Variants in ZFC3H1 observed in about 807,000 individuals in gnomAD.
ZFC3H1 encodes the protein zinc finger C3H1 domain-containing protein.
In ZFC3H1, 71 loss-of-function variants were observed where a neutral mutation model predicts 243.7. That is an observed-to-expected ratio of 0.29 (90% confidence interval 0.24 to 0.36). The LOEUF (loss-of-function observed/expected upper bound fraction) is 0.36. ZFC3H1 is among the 10% of genes least tolerant of loss of function. ZFC3H1 has a pLI of 1.00. For missense variants in ZFC3H1, 1,966 were observed against 2,317.1 expected (o/e 0.85, Z 3.11); for synonymous variants, 838 against 813.0 (o/e 1.03, Z -0.52).
chr12:71,623,652 T>A, intron 23 of ZFC3H1, 55 bp from the exon 24 acceptor site: 2 of 1,274,254 alleles, frequency 1.6e-6, no homozygotes, highest in Non-Finnish European at 1.1e-6. Flanking sequence ...AGTACCAGAT[T>A]AACATAATTT....
chr12:71,656,026 A>G (rs1042162890), intron 2 of ZFC3H1, among the ~76,000 whole-genome samples: 2 of 152,206 alleles, frequency 1.3e-5, no homozygotes, highest in Non-Finnish European at 2.9e-5. Context: ...AAGAAGCTAT[A>G]ATGAAAGGCA....
chr12:71,612,028 T>C (rs1440104334), intron 31 of ZFC3H1, 141 bp from the exon 32 acceptor site: 5 of 514,518 alleles, frequency 9.7e-6, no homozygotes, highest in Non-Finnish European at 1.4e-5. Context: ...TTAGAATGCC[T>C]CTTACAAAAA....
At chr12:71,627,170 T>G (rs147047832) in intron 21 of ZFC3H1, among the ~76,000 whole-genome samples, 1 of 152,236 alleles carries the variant, frequency 6.6e-6, no homozygotes, top group African/African-American at 2.4e-5. Flanking sequence ...AAAGTTATAA[T>G]TATGAAAAGA....
At chr12:71,638,352 C>A (rs982763474) in intron 7 of ZFC3H1, 66 bp downstream of exon 7, 1 of 1,487,164 alleles carries the variant, frequency 6.7e-7, no homozygotes, top group Non-Finnish European at 9.1e-7. Context: ...CCTAACCATT[C>A]GTTTTTAAAA....
chr12:71,619,687 C>T (rs535384074), intron 26 of ZFC3H1, among the ~76,000 whole-genome samples: 1 of 152,180 alleles, frequency 6.6e-6, no homozygotes, highest in African/African-American at 2.4e-5. Context: ...CCATGGTAGG[C>T]GTTGGGCTGC....
intron 9 of ZFC3H1, 91 bp downstream of exon 9, chr12:71,636,396 AAAT>A: frequency 8.3e-7 from 1 of 1,209,902 alleles, no homozygotes; most frequent in Non-Finnish European, 1.1e-6. Flanking sequence ...GTGTGTATAT[AAAT>A]AAACCAAGGG....
intron 2 of ZFC3H1, among the ~76,000 whole-genome samples, chr12:71,653,739 G>T (rs967557201): frequency 6.6e-6 from 1 of 152,252 alleles, no homozygotes; most frequent in Non-Finnish European, 1.5e-5. Context: ...TTAGGGGCTG[G>T]GTGTGGTGGC....
chr12:71,651,223 T>C (rs1267611257), intron 2 of ZFC3H1, among the ~76,000 whole-genome samples: 2 of 152,238 alleles, frequency 1.3e-5, no homozygotes, highest in African/African-American at 4.8e-5. Context: ...TTATTCCTTT[T>C]GCATAGGAGC....
Position 71,611,820 on chromosome 12 carries a change from A to T in ZFC3H1, c.5695T>A (p.Tyr1899Asn). The T allele has an allele frequency of 6.2e-7, 1 of 1,611,130 alleles. No homozygotes were observed. Among genetic ancestry groups the T allele is most frequent in the Non-Finnish European group, 8.5e-7 (1 of 1,178,008 alleles). The change falls in exon 32 of 35, where the codon TAT becomes AAT. Residue 1899 changes from tyrosine (Y) to asparagine (N), a missense_variant. Tyr to Asn is a moderately radical substitution (Grantham distance 143, BLOSUM62 -2). This residue lies in a region of ZFC3H1 where 1,383 missense variants were observed against 1,723.7 expected (regional missense o/e 0.80). Coordinates refer to ENST00000378743, the MANE Select transcript of ZFC3H1 (RefSeq NM_144982.5). ...ILKLQAKMFT[Y>N]NIPTCLATWK... ...GTGGCCAGGCATGTTGGGATATTAT[A>T]TGTAAACATCTTGGCTTGAAGTTTC...
intron 27 of ZFC3H1, among the ~76,000 whole-genome samples, chr12:71,616,920 T>A (rs1347009043): frequency 6.6e-6 from 1 of 152,210 alleles, no homozygotes; most frequent in Non-Finnish European, 1.5e-5. Context: ...CTTAAGACTA[T>A]AATCCCTAGT....
intron 1 of ZFC3H1, among the ~76,000 whole-genome samples, chr12:71,659,237 T>C (rs1881101157): frequency 6.6e-6 from 1 of 152,230 alleles, no homozygotes; most frequent in African/African-American, 2.4e-5. Context: ...CCATCCTTCA[T>C]ACTGCTGCTG....
chr12:71,631,591 T>TGG (rs1355312786), intron 16 of ZFC3H1, among the ~76,000 whole-genome samples, 187 bp downstream of exon 16: 1 of 152,172 alleles, frequency 6.6e-6, no homozygotes, highest in Admixed American at 6.6e-5. Context: ...TACGAACTGA[T>TGG]AAATCCAAGA....
intron 30 of ZFC3H1, 92 bp downstream of exon 30, chr12:71,614,443 G>A (rs1592582292): frequency 8.3e-7 from 1 of 1,211,892 alleles, no homozygotes; most frequent in East Asian, 2.5e-5. Context: ...CCTAGGAAAA[G>A]CTCTCTTGAT....
Position 71,614,679 on chromosome 12 carries a change from A to G in ZFC3H1, c.5382T>C (p.Asn1794=), listed in dbSNP as rs1879852305. Residue 1794 remains asparagine (N), a synonymous_variant, in exon 30 of 35, where the codon AAT becomes AAC. Transcript: ENST00000378743. ...CTTTGTTTCTGGATCCAGCAGCTCTATTATTTGCAAAGACAAGATAACTGC... is the reference window on the plus strand; with the variant it reads ...CTTTGTTTCTGGATCCAGCAGCTCTGTTATTTGCAAAGACAAGATAACTGC... ...IWMDYLVFAN[N]RAAGSRNKVQ... The G allele has an allele frequency of 6.2e-7, 1 of 1,606,962 alleles. No individual in the cohort carries two copies. Among genetic ancestry groups the G allele is most frequent in the Non-Finnish European group, 8.5e-7 (1 of 1,178,000 alleles).
intron 5 of ZFC3H1, among the ~76,000 whole-genome samples, chr12:71,643,278 TGGTG>T: frequency 6.6e-6 from 1 of 151,876 alleles, no homozygotes; most frequent in East Asian, 1.9e-4. Flanking sequence ...CCAGGCATGG[TGGTG>T]GGTGCCTGTA....
chr12:71,622,130 T>G (rs549902751), intron 24 of ZFC3H1, among the ~76,000 whole-genome samples: 1 of 152,336 alleles, frequency 6.6e-6, no homozygotes, highest in Middle Eastern at 3.4e-3. Flanking sequence ...TTGCATAAAT[T>G]CCCTTCTACC....
intron 1 of ZFC3H1, among the ~76,000 whole-genome samples, chr12:71,660,727 T>G (rs1050507952): frequency 6.6e-5 from 10 of 152,108 alleles, no homozygotes; most frequent in African/African-American, 2.2e-4. Context: ...CTTTTTTATA[T>G]ACATACTTCA....
chr12:71,622,967 T>C (rs1880070086), intron 24 of ZFC3H1, among the ~76,000 whole-genome samples: 1 of 151,688 alleles, frequency 6.6e-6, no homozygotes, highest in Non-Finnish European at 1.5e-5. Context: ...CACTGACTGA[T>C]GGAGAAAATA....
chr12:71,613,925 A>C (rs573958629), intron 30 of ZFC3H1, among the ~76,000 whole-genome samples: 1 of 152,294 alleles, frequency 6.6e-6, no homozygotes, highest in South Asian at 2.1e-4. Flanking sequence ...TTTAGTCTAC[A>C]ATGAGCTTTA....
Sources: gnomAD v4.1 joint callset for allele counts (sites outside exome capture counted in the v4.1 genomes callset) on GRCh38, gnomAD v4.1.1 for gene constraint, gnomAD v4.1.1 regional missense constraint, MANE v1.5 for transcripts, NCBI Gene and HGNC (gene_info 2026-07-23, HGNC 2026-07-21) for gene names.